The following SLIT2 variants were observed in gnomAD, a reference collection of about 807,000 sequenced individuals.
SLIT2 encodes the protein slit homolog 2 protein.
SLIT2 carries 41 observed loss-of-function variants against 185.7 expected under a neutral mutation model. That is an observed-to-expected ratio of 0.22 (90% CI 0.17 to 0.29). SLIT2 has a LOEUF of 0.29. Ranked by LOEUF, SLIT2 falls within the 10% of genes least tolerant of loss-of-function variation. SLIT2 has a pLI of 1.00. For missense variants in SLIT2, 1,571 were observed against 1,909.0 expected, an observed-to-expected ratio of 0.82 and a Z score of 3.30; for synonymous variants, 693 against 680.2, an observed-to-expected ratio of 1.02 and a Z score of -0.29.
At chr4:20,444,469 A>G (rs1711550464) in intron 4 of SLIT2, among the ~76,000 whole-genome samples, 1 of 152,220 alleles carries the variant, frequency 6.6e-6, no homozygotes, top group Admixed American at 6.5e-5. Context: ...TAGGTTTCCT[A>G]ATAAGTGAAA....
At chr4:20,459,617 C>G (rs1206130563) in intron 4 of SLIT2, among the ~76,000 whole-genome samples, 1 of 152,146 alleles carries the variant, frequency 6.6e-6, no homozygotes, top group African/African-American at 2.4e-5. Flanking sequence ...GTGTTTCTGT[C>G]TCTGATCCGT....
intron 4 of SLIT2, among the ~76,000 whole-genome samples, chr4:20,448,626 G>T (rs1304307913): frequency 6.6e-6 from 1 of 151,700 alleles, no homozygotes; most frequent in African/African-American, 2.4e-5. Context: ...TGGCCCCAAA[G>T]TATTATTATT....
At chr4:20,294,509 G>A (rs1716278868) in intron 4 of SLIT2, among the ~76,000 whole-genome samples, 2 of 152,140 alleles carry the variant, frequency 1.3e-5, no homozygotes, top group Non-Finnish European at 2.9e-5. Context: ...AAGTATCAGA[G>A]TATCAGTTTC....
At chr4:20,510,090 ATCT>A (rs1719568772) in intron 9 of SLIT2, among the ~76,000 whole-genome samples, 1 of 152,166 alleles carries the variant, frequency 6.6e-6, no homozygotes, top group Non-Finnish European at 1.5e-5. Flanking sequence ...TTCAACAGTA[ATCT>A]TCTTTGTGGA....
chr4:20,386,959 C>A (rs2109355619), intron 4 of SLIT2, among the ~76,000 whole-genome samples: 1 of 152,264 alleles, frequency 6.6e-6, no homozygotes, highest in East Asian at 1.9e-4. Flanking sequence ...TTGGGGGATT[C>A]CTCTCAGTAT....
chr4:20,380,552 CATG>C (rs1362065346), intron 4 of SLIT2, among the ~76,000 whole-genome samples: 2 of 151,872 alleles, frequency 1.3e-5, no homozygotes, highest in African/African-American at 4.8e-5. Context: ...TGGAGGAAAA[CATG>C]AGCTTGATGA....
At chr4:20,441,519 GTCTCTCTC>G (rs376556054) in intron 4 of SLIT2, among the ~76,000 whole-genome samples, 3,192 of 107,960 alleles carry the variant, frequency 0.03, 95 homozygotes, top group African/African-American at 0.086. Flanking sequence ...CCCCACTTCT[GTCTCTCTC>G]TCTCTCTCTC....
rs564351413 is a variant in SLIT2, at chr4:20,610,223, C to T, written c.3847+56C>T. 8.0e-5 allele frequency: 120 copies of T among 1,508,924 alleles called. 1 individual carries two copies. The highest frequency in any genetic ancestry group is 7.9e-4 in the South Asian group (65 of 82,088). The allele number at this position is 1,508,924 out of a possible 1,614,324, so 93.5% of individuals were successfully genotyped here. ...GAAACCCTGTGATTCTCATTATGGA[C>T]GAATTCTGAAGTTTGTTAATGCCTA... On this transcript the variant is annotated intron_variant, in intron 34 of 36. Coordinates refer to ENST00000504154, the MANE Select transcript of SLIT2 (RefSeq NM_004787.4).
intron 29 of SLIT2, chr4:20,573,319 G>A (rs1428652940): frequency 4.3e-6 from 3 of 702,586 alleles, no homozygotes; most frequent in African/African-American, 1.7e-5. Context: ...TTCTTGTAAA[G>A]TTACATAGAT....
In SLIT2 at chr4:20,268,833, A is replaced by G; in HGVS notation, c.347A>G (p.Gln116Arg). 1 of 1,611,288 alleles carries G rather than the reference A, an allele frequency of 6.2e-7. No individual in the cohort carries two copies. Among genetic ancestry groups the G allele is most frequent in the Non-Finnish European group, 8.5e-7 (1 of 1,177,856 alleles). Residue 116 changes from glutamine (Q) to arginine (R), a missense_variant, in exon 4 of 37, where the codon CAG becomes CGG. Gln to Arg is a conservative substitution (Grantham distance 43, BLOSUM62 1). This residue lies in a region of SLIT2 where 1,202 missense variants were observed against 1,416.4 expected (regional missense o/e 0.85). Coordinates refer to ENST00000504154, the MANE Select transcript of SLIT2 (RefSeq NM_004787.4). ...AGGCGTTTAAACAGAAATCACCTTC[A>G]GCTGTTTCCTGAGTTGCTGTTTCTT... ...ERLRLNRNHL[Q>R]LFPELLFLGT...
chr4:20,351,880 G>C (rs1721909304), intron 4 of SLIT2, among the ~76,000 whole-genome samples: 1 of 152,172 alleles, frequency 6.6e-6, no homozygotes. Flanking sequence ...TTTGTGTTTT[G>C]ATGATTGTCT....
At chr4:20,330,576 A>T (rs1029734647) in intron 4 of SLIT2, among the ~76,000 whole-genome samples, 5 of 152,110 alleles carry the variant, frequency 3.3e-5, no homozygotes, top group African/African-American at 4.8e-5. Flanking sequence ...AAGCATTTGG[A>T]AAGCATGAAG....
intron 9 of SLIT2, among the ~76,000 whole-genome samples, chr4:20,509,393 A>C (rs1241490574): frequency 6.6e-6 from 1 of 152,040 alleles, no homozygotes; most frequent in African/African-American, 2.4e-5. Context: ...TAAAATTAGG[A>C]GGTGGCACCA....
intron 3 of SLIT2, among the ~76,000 whole-genome samples, chr4:20,266,788 A>G (rs1713077795): frequency 6.6e-6 from 1 of 151,996 alleles, no homozygotes. Flanking sequence ...TTGCTTATCA[A>G]ATGCTGTGGG....
In SLIT2 at chr4:20,414,893, G is replaced by C. The variant is rs528515633; in HGVS notation, c.396-52859G>C. Among the ~76,000 whole-genome samples the C allele has an allele frequency of 2.6e-5, 4 of 152,186 alleles. No homozygotes were observed. The South Asian group carries it at 8.3e-4, about 32-fold the overall frequency. On this transcript the variant is annotated intron_variant, in intron 4 of 36. Coordinates refer to ENST00000504154, the MANE Select transcript of SLIT2 (RefSeq NM_004787.4). ...TTACTTGGAGTTTGTTGAGCTTCTT[G>C]GATGTATAGATTTATATTTTTCATC...
At chr4:20,468,476 G>A (rs1211680675) in intron 5 of SLIT2, among the ~76,000 whole-genome samples, 1 of 151,978 alleles carries the variant, frequency 6.6e-6, no homozygotes, top group Non-Finnish European at 1.5e-5. Context: ...TTAAAAAAAT[G>A]AAAGTGCATT....
chr4:20,509,178 A>G (rs564628183), intron 9 of SLIT2, among the ~76,000 whole-genome samples: 1 of 151,362 alleles, frequency 6.6e-6, no homozygotes, highest in East Asian at 1.9e-4. Context: ...TATATAATAT[A>G]TATGCATATA....
chr4:20,619,158 T>A lies in SLIT2; in HGVS notation c.*149T>A. On this transcript the variant is annotated 3_prime_UTR_variant, in exon 37 of 37. Transcript: ENST00000504154. ...ATTATGAGAATAAAGACTTTTTTTCTGCATTTGGAAAAAAAAAAAAAGAAA... is the reference window on the plus strand; with the variant it reads ...ATTATGAGAATAAAGACTTTTTTTCAGCATTTGGAAAAAAAAAAAAAGAAA... The A allele has an allele frequency of 1.3e-6, 1 of 790,710 alleles. No homozygotes were observed. The highest frequency in any genetic ancestry group is 1.8e-6 in the Non-Finnish European group (1 of 545,936). The allele number at this position is 790,710 out of a possible 1,614,324, so 49.0% of individuals were successfully genotyped here. A position where few individuals can be genotyped will look rare whatever the true frequency, so the allele number is the denominator to read the frequency against.
chr4:20,442,042 A>G (rs1729791677), intron 4 of SLIT2, among the ~76,000 whole-genome samples: 1 of 152,190 alleles, frequency 6.6e-6, no homozygotes, highest in Non-Finnish European at 1.5e-5. Context: ...AAAGAAAAAT[A>G]TAAATGTTAT....
Sources: allele counts gnomAD v4.1 joint callset (sites outside exome capture counted in the v4.1 genomes callset), GRCh38; gene constraint gnomAD v4.1.1; regional missense constraint gnomAD v4.1.1; transcripts MANE v1.5; gene names NCBI Gene and HGNC (gene_info 2026-07-23, HGNC 2026-07-21).